The following KANSL1L variants were observed in gnomAD, a reference collection of about 807,000 sequenced individuals.
KANSL1L encodes KAT8 regulatory NSL complex subunit 1-like protein.
Under a neutral mutation model 108.6 loss-of-function variants are expected in KANSL1L, and 25 were observed. The ratio of observed to expected loss-of-function variants is 0.23; its 90% CI spans 0.17 to 0.32. The LOEUF (loss-of-function observed/expected upper bound fraction) is 0.32. Ranked by LOEUF, KANSL1L falls within the 10% of genes least tolerant of loss-of-function variation. The pLI, the probability that KANSL1L is intolerant of heterozygous loss-of-function variation, is 1.00. For missense variants in KANSL1L, 1,137 were observed against 1,125.7 expected (o/e 1.01, Z -0.14); for synonymous variants, 405 against 395.1 (o/e 1.03, Z -0.30).
rs1318975739 is a variant in KANSL1L at position 210,118,490 on chromosome 2, AC to A, written c.1230+10540del. Among the ~76,000 whole-genome samples the A allele has an allele frequency of 7.3e-4, 111 of 151,030 alleles. No homozygotes were observed. The East Asian group carries it at 9.5e-3, about 13-fold the overall frequency. The stretch of plus-strand genomic sequence containing the variant: ...TCCAACTCAAAAAAAAAAAAAAAAA[AC>A]AGAAGAAAAAATAGAAAATTTTAAC... On this transcript the variant is annotated intron_variant, in intron 3 of 14. Coordinates refer to ENST00000281772, the MANE Select transcript of KANSL1L (RefSeq NM_152519.4).
chr2:210,101,386 G>T (rs1272285806), intron 4 of KANSL1L, among the ~76,000 whole-genome samples: 2 of 152,152 alleles, frequency 1.3e-5, no homozygotes, highest in African/African-American at 4.8e-5. Flanking sequence ...AAAAACTGGG[G>T]ATATCAAGGA....
rs117264464 is a variant in KANSL1L, at chr2:210,145,135, C to T, written c.1088+8360G>A. On this transcript the variant is annotated intron_variant, in intron 2 of 14. Transcript: ENST00000281772. ...CCTCAGCAGCCACTGTCCACAGCAG[C>T]GGCAAGGGTTATTGGGTGCTCCAGT... Among the ~76,000 whole-genome samples, 120 of 152,284 alleles carry T rather than the reference C, an allele frequency of 7.9e-4. 3 individuals are homozygous for T. In the East Asian group the frequency reaches 0.018, roughly 23 times the overall value.
At chr2:210,113,154 T>G (rs1426903419) in intron 3 of KANSL1L, among the ~76,000 whole-genome samples, 2 of 152,134 alleles carry the variant, frequency 1.3e-5, no homozygotes, top group East Asian at 3.9e-4. Flanking sequence ...TTTATTGCAA[T>G]TCCCTCCTCC....
intron 1 of KANSL1L, among the ~76,000 whole-genome samples, chr2:210,159,002 C>A (rs1181107191): frequency 6.6e-6 from 1 of 152,172 alleles, no homozygotes; most frequent in Non-Finnish European, 1.5e-5. Context: ...GATTTTTGAA[C>A]AGTTTTGTTA....
At position 210,093,892 on chromosome 2, in the gene KANSL1L, G is replaced by GGGA. The variant is rs2094713666; in HGVS notation, c.1550+4191_1550+4193dup. Among the ~76,000 whole-genome samples the GGGA allele has an allele frequency of 3.3e-5, 5 of 152,166 alleles. No homozygotes were observed. The South Asian group carries it at 1.0e-3, about 32-fold the overall frequency. On this transcript the variant is annotated intron_variant, in intron 5 of 14. Transcript: ENST00000281772. Reference sequence around the variant, plus strand: ...ATAGAATATTATTCAGCCTTAAAAAGGGAATTTTAACACACAGGCTATAAT... The same window carrying GGGA: ...ATAGAATATTATTCAGCCTTAAAAAGGGAGGAATTTTAACACACAGGCTATAAT...
chr2:210,088,325 G>T (rs2125374556), intron 5 of KANSL1L: 1 of 152,356 alleles, frequency 6.6e-6, no homozygotes, highest in Non-Finnish European at 1.5e-5. Flanking sequence ...TAACTTCAAG[G>T]CTAAAAATCC....
intron 3 of KANSL1L, among the ~76,000 whole-genome samples, chr2:210,112,598 T>C (rs2094919447): frequency 6.6e-6 from 1 of 152,196 alleles, no homozygotes; most frequent in African/African-American, 2.4e-5. Context: ...CTCCTTTCAG[T>C]GCATGTCTCT....
intron 7 of KANSL1L, among the ~76,000 whole-genome samples, chr2:210,041,788 G>A (rs2094166793): frequency 6.6e-6 from 1 of 152,138 alleles, no homozygotes; most frequent in African/African-American, 2.4e-5. Flanking sequence ...TTCAAATAAT[G>A]TATCTTAGTG....
intron 2 of KANSL1L, among the ~76,000 whole-genome samples, chr2:210,131,768 C>T (rs1370501522): frequency 6.7e-6 from 1 of 149,844 alleles, no homozygotes; most frequent in East Asian, 2.0e-4. Flanking sequence ...GGTGCGATCT[C>T]TCCTCATTGC....
chr2:210,038,667 T>C (rs1283395779), intron 8 of KANSL1L, among the ~76,000 whole-genome samples: 1 of 151,996 alleles, frequency 6.6e-6, no homozygotes, highest in Non-Finnish European at 1.5e-5. Flanking sequence ...CACCTTAAAT[T>C]TGTTTTAAAG....
chr2:210,123,503 T>C (rs891301592), intron 3 of KANSL1L, among the ~76,000 whole-genome samples: 1 of 152,036 alleles, frequency 6.6e-6, no homozygotes, highest in South Asian at 2.1e-4. Flanking sequence ...CTCATGGAGA[T>C]AGTAGAATGA....
intron 2 of KANSL1L, among the ~76,000 whole-genome samples, chr2:210,140,622 T>C (rs1266793846): frequency 6.6e-6 from 1 of 152,250 alleles, no homozygotes; most frequent in East Asian, 1.9e-4. Flanking sequence ...TGCTCAAGAT[T>C]GCTTTGGCTC....
At position 210,043,750 on chromosome 2, in the gene KANSL1L, A is replaced by G. The variant is rs370239694; in HGVS notation, c.1921+189T>C. 9.2e-4 allele frequency: 374 copies of G among 407,972 alleles called. 1 individual carries two copies. Among genetic ancestry groups the G allele is most frequent in the South Asian group, 6.1e-3 (69 of 11,386 alleles). 25.3% of individuals were successfully genotyped at this position (407,972 alleles called of 1,614,324 possible). A position where few individuals can be genotyped will look rare whatever the true frequency, so the allele number is the denominator to read the frequency against. On this transcript the variant is annotated intron_variant, in intron 7 of 14. Coordinates refer to ENST00000281772, the MANE Select transcript of KANSL1L (RefSeq NM_152519.4). ...AATTAAAGAATCAACTTACACAGAT[A>G]GAACATTAACCGTGCATGTGACTAG...
rs767061663 is a variant in KANSL1L at position 210,028,981 on chromosome 2, G to T, written c.2272-12C>A. ...CGTCGTGCAGTATTCTGCAAAACAG[G>T]ATTACAGTAGATTTACAGTACTGTC... On this transcript the variant is annotated splice_polypyrimidine_tract_variant and intron_variant, in intron 10 of 14. Transcript: ENST00000281772. 3.1e-6 allele frequency: 5 copies of T among 1,602,928 alleles called. No homozygotes were observed. The highest frequency in any genetic ancestry group is 4.3e-6 in the Non-Finnish European group (5 of 1,173,734).
intron 8 of KANSL1L, among the ~76,000 whole-genome samples, chr2:210,038,464 A>G (rs1288846152): frequency 6.6e-6 from 1 of 152,052 alleles, no homozygotes; most frequent in East Asian, 1.9e-4. Context: ...AAAATTGATG[A>G]TTATAATGTT....
At chr2:210,040,236 C>T (rs1315542156) in intron 8 of KANSL1L, 184 bp downstream of exon 8, 7 of 500,872 alleles carry the variant, frequency 1.4e-5, no homozygotes, top group East Asian at 6.6e-5. Context: ...CAATAGGTAT[C>T]GCACATTTCA....
intron 4 of KANSL1L, among the ~76,000 whole-genome samples, chr2:210,103,769 T>C (rs2094819049): frequency 6.6e-6 from 1 of 152,130 alleles, no homozygotes; most frequent in Non-Finnish European, 1.5e-5. Context: ...TTCAGACATA[T>C]TAACTGGTAC....
At chr2:210,163,127 C>T (rs1482767875) in intron 1 of KANSL1L, among the ~76,000 whole-genome samples, 4 of 152,072 alleles carry the variant, frequency 2.6e-5, no homozygotes, top group Admixed American at 6.5e-5. Context: ...ACAAGGCACA[C>T]TAAAGGGCAA....
At chr2:210,100,830 G>T (rs1372166837) in intron 4 of KANSL1L, among the ~76,000 whole-genome samples, 1 of 152,120 alleles carries the variant, frequency 6.6e-6, no homozygotes, top group Non-Finnish European at 1.5e-5. Context: ...TAGAGACAGG[G>T]TCTCCCTGTG....
Sources: allele counts gnomAD v4.1 joint callset (sites outside exome capture counted in the v4.1 genomes callset), GRCh38; gene constraint gnomAD v4.1.1; transcripts MANE v1.5; gene names NCBI Gene and HGNC (gene_info 2026-07-23, HGNC 2026-07-21).